NUP50: variants seen among roughly 807,000 people sequenced by gnomAD.
NUP50 encodes the protein nuclear pore complex protein Nup50.
NUP50 carries 14 observed loss-of-function variants against 36.8 expected under a neutral mutation model. The observed-to-expected ratio is 0.38, with a 90% CI of 0.25 to 0.59. NUP50 has a LOEUF of 0.59. NUP50 is among the 20% of genes least tolerant of loss of function. NUP50 has a pLI of 0.63. For synonymous variants in NUP50, 195 were observed against 210.8 expected (o/e 0.93, Z 0.65); for missense variants, 455 against 564.6 (o/e 0.81, Z 1.97).
rs1274606400 is a variant in NUP50, at chr22:45,187,662, G to A, written c.*3007G>A. 2.0e-5 allele frequency: 3 copies of A among 152,188 alleles called. No individual in the cohort carries two copies. Among genetic ancestry groups the A allele is most frequent in the African/African-American group, 7.2e-5 (3 of 41,426 alleles). 9.4% of individuals were successfully genotyped at this position (152,188 alleles called of 1,614,324 possible). On this transcript the variant is annotated 3_prime_UTR_variant, in exon 8 of 8. Transcript: ENST00000347635. The stretch of plus-strand genomic sequence containing the variant: ...TGATGAGTCCTCTCATTCTGGAAGT[G>A]GGAATTTGAGTAGATACTGATTTGT...
chr22:45,164,047 C>A lies in NUP50; in HGVS notation c.-260C>A, dbSNP rs1392119702. ...CGGAGCGTGTTCGGCGCGGTTCCCCCAGCTGTCTCTGGCTGAACCGGCGCT... is the reference window on the plus strand; with the variant it reads ...CGGAGCGTGTTCGGCGCGGTTCCCCAAGCTGTCTCTGGCTGAACCGGCGCT... On this transcript the variant is annotated 5_prime_UTR_variant, in exon 1 of 8. Coordinates refer to ENST00000347635, the MANE Select transcript of NUP50 (RefSeq NM_007172.4). 6.6e-6 allele frequency: 1 copy of A among 152,272 alleles called. No homozygotes were observed. The highest frequency in any genetic ancestry group is 1.5e-5 in the Non-Finnish European group (1 of 68,074). 9.4% of individuals were successfully genotyped at this position (152,272 alleles called of 1,614,324 possible).
In NUP50 at chr22:45,184,745, A is replaced by G. The variant is rs183359655; in HGVS notation, c.*90A>G. 53 of 943,810 alleles carry G rather than the reference A, an allele frequency of 5.6e-5. 2 individuals carry two copies. The highest frequency in any genetic ancestry group is 4.4e-4 in the East Asian group (18 of 41,054). 58.5% of individuals were successfully genotyped at this position (943,810 alleles called of 1,614,324 possible). ...GTCAGTTTTTCTTCTCTTCTTTGAC[A>G]TTCTAAGAACTTATAGATAACTTAA... On this transcript the variant is annotated 3_prime_UTR_variant, in exon 8 of 8. Coordinates refer to ENST00000347635, the MANE Select transcript of NUP50 (RefSeq NM_007172.4).
chr22:45,182,330 G>C (rs1390130974), intron 6 of NUP50, among the ~76,000 whole-genome samples: 4 of 151,986 alleles, frequency 2.6e-5, no homozygotes, highest in East Asian at 3.9e-4. Flanking sequence ...AATCCCAGCT[G>C]TTTGGGAGGC....
rs2083460436 is a variant in NUP50 at position 45,187,398 on chromosome 22, A to C, written c.*2743A>C. ...TTTTACAATTTCAATTCTAGATCAC[A>C]TTTTATATATGCTGCATGCCAAAAA... On this transcript the variant is annotated 3_prime_UTR_variant, in exon 8 of 8. Coordinates refer to ENST00000347635, the MANE Select transcript of NUP50 (RefSeq NM_007172.4). The C allele has an allele frequency of 6.9e-6, 1 of 145,734 alleles. No homozygotes were observed. The highest frequency in any genetic ancestry group is 1.5e-5 in the Non-Finnish European group (1 of 66,978). The allele number at this position is 145,734 out of a possible 1,614,324, so 9.0% of individuals were successfully genotyped here.
chr22:45,167,747 G>C (rs2074117356), intron 1 of NUP50, among the ~76,000 whole-genome samples: 1 of 152,180 alleles, frequency 6.6e-6, no homozygotes, highest in Non-Finnish European at 1.5e-5. Context: ...TCATCTTTAA[G>C]AGAATTTTAA....
chr22:45,165,727 G>A (rs185353192), intron 1 of NUP50: 2 of 152,292 alleles, frequency 1.3e-5, no homozygotes, highest in East Asian at 3.9e-4. Flanking sequence ...CGTTTTGGAG[G>A]GAAAATGATA....
In NUP50 at chr22:45,184,952, CAG is replaced by C. The variant is rs1369948611; in HGVS notation, c.*298_*299del. 2.2e-5 allele frequency: 9 copies of C among 400,742 alleles called. No homozygotes were observed. Among genetic ancestry groups the C allele is most frequent in the East Asian group, 5.7e-5 (1 of 17,452 alleles). The allele number at this position is 400,742 out of a possible 1,614,324, so 24.8% of individuals were successfully genotyped here. A position where few individuals can be genotyped will look rare whatever the true frequency, so the allele number is the denominator to read the frequency against. ...AAGTGATTTCTTCAAGGACTGCAAT[CAG>C]GGTATCAATTTGCTTTCCCAAAGGC... is the stretch of plus-strand genomic sequence containing the variant. On this transcript the variant is annotated 3_prime_UTR_variant, in exon 8 of 8. Coordinates refer to ENST00000347635, the MANE Select transcript of NUP50 (RefSeq NM_007172.4).
intron 2 of NUP50, among the ~76,000 whole-genome samples, chr22:45,170,821 C>T (rs132873): frequency 0.2 from 31,024 of 152,058 alleles, 3,731 homozygotes; most frequent in East Asian, 0.57. Flanking sequence ...GAACATATGC[C>T]AATGAAATGT....
At chr22:45,173,602 G>C (rs2074231767) in intron 3 of NUP50, among the ~76,000 whole-genome samples, 1 of 152,186 alleles carries the variant, frequency 6.6e-6, no homozygotes, top group South Asian at 2.1e-4. Context: ...AGCTCCGGCA[G>C]CTTTCGTCAT....
At chr22:45,173,528 A>G (rs1447363091) in intron 3 of NUP50, among the ~76,000 whole-genome samples, 1 of 151,978 alleles carries the variant, frequency 6.6e-6, no homozygotes, top group Non-Finnish European at 1.5e-5. Context: ...GCCTTGGTAC[A>G]CTCAAGTGGA....
At position 45,186,910 on chromosome 22, in the gene NUP50, TG is replaced by T. The variant is rs2147718769; in HGVS notation, c.*2259del. 6.6e-6 allele frequency: 1 copy of T among 152,486 alleles called. No individual in the cohort carries two copies. The highest frequency in any genetic ancestry group is 2.1e-4 in the South Asian group (1 of 4,834). 9.4% of individuals were successfully genotyped at this position (152,486 alleles called of 1,614,324 possible). A position where few individuals can be genotyped will look rare whatever the true frequency, so the allele number is the denominator to read the frequency against. The stretch of plus-strand genomic sequence containing the variant: ...AAAATTTAACTCCTTGTCTTTTACT[TG>T]GGGCACGGGGCCCCTGGAGGGCTTC... On this transcript the variant is annotated 3_prime_UTR_variant, in exon 8 of 8. Coordinates refer to ENST00000347635, the MANE Select transcript of NUP50 (RefSeq NM_007172.4).
chr22:45,174,748 T>C (rs1243346322), intron 3 of NUP50, among the ~76,000 whole-genome samples: 1 of 152,212 alleles, frequency 6.6e-6, no homozygotes, highest in African/African-American at 2.4e-5. Flanking sequence ...AAATCAAATG[T>C]AGAGCAACAG....
chr22:45,168,122 ATTTATTCTT>A, intron 1 of NUP50, 37 bp from the exon 2 acceptor site: 1 of 1,383,208 alleles, frequency 7.2e-7, no homozygotes, highest in South Asian at 1.3e-5. Flanking sequence ...CTTTATAAGA[ATTTATTCTT>A]CTAGAAAAAT....
At position 45,186,061 on chromosome 22, in the gene NUP50, G is replaced by T. The variant is rs546017059; in HGVS notation, c.*1406G>T. 6.6e-6 allele frequency: 1 copy of T among 152,182 alleles called. No homozygotes were observed. The highest frequency in any genetic ancestry group is 1.5e-5 in the Non-Finnish European group (1 of 68,030). 9.4% of individuals were successfully genotyped at this position (152,182 alleles called of 1,614,324 possible). On this transcript the variant is annotated 3_prime_UTR_variant, in exon 8 of 8. Coordinates refer to ENST00000347635, the MANE Select transcript of NUP50 (RefSeq NM_007172.4). ...ACAGTCTTTAGGTGTAAGGTTTGGC[G>T]CCGGGAGCAATTTTATGATCAAATA...
chr22:45,168,881 C>T (rs962929651), intron 2 of NUP50, among the ~76,000 whole-genome samples: 5 of 148,778 alleles, frequency 3.4e-5, no homozygotes, highest in Non-Finnish European at 5.9e-5. Context: ...AGAGAGATCC[C>T]GGTCTCTATA....
At chr22:45,179,346 T>A (rs2074330239) in intron 5 of NUP50, 1 of 155,936 alleles carries the variant, frequency 6.4e-6, no homozygotes, top group Admixed American at 6.3e-5. Context: ...AGACTTTTCA[T>A]AGCCATAGAG....
At chr22:45,170,344 C>G (rs1426730632) in intron 2 of NUP50, among the ~76,000 whole-genome samples, 1 of 97,418 alleles carries the variant, frequency 1.0e-5, no homozygotes, top group Non-Finnish European at 2.0e-5. Flanking sequence ...GGAGAACACC[C>G]GCAAAGCCCA....
intron 3 of NUP50, among the ~76,000 whole-genome samples, chr22:45,172,891 A>T (rs2074218311): frequency 6.6e-6 from 1 of 152,250 alleles, no homozygotes; most frequent in South Asian, 2.1e-4. Flanking sequence ...CCTAAAATAT[A>T]TTACTGTATA....
chr22:45,165,139 C>T, intron 1 of NUP50, among the ~76,000 whole-genome samples: 1 of 152,176 alleles, frequency 6.6e-6, no homozygotes, highest in East Asian at 1.9e-4. Flanking sequence ...ATGTTTTTTT[C>T]CAGTTTACCT....
Sources: gnomAD v4.1 joint callset for allele counts (sites outside exome capture counted in the v4.1 genomes callset) on GRCh38, gnomAD v4.1.1 for gene constraint, MANE v1.5 for transcripts, NCBI Gene and HGNC (gene_info 2026-07-23, HGNC 2026-07-21) for gene names.